The following PTPRD variants were observed in gnomAD, a reference collection of about 807,000 sequenced individuals.
PTPRD encodes protein tyrosine phosphatase receptor type D, also known as receptor-type tyrosine-protein phosphatase delta.
PTPRD carries 34 observed loss-of-function variants against 214.5 expected under a neutral mutation model. The observed-to-expected ratio is 0.16, with a 90% CI of 0.12 to 0.21. The LOEUF (loss-of-function observed/expected upper bound fraction) is 0.21, where lower values mean the gene tolerates loss of function less well. Ranked by LOEUF, PTPRD falls within the 10% of genes least tolerant of loss-of-function variation. The pLI is 1.00. For missense variants in PTPRD, 2,545 were observed against 2,398.7 expected, an observed-to-expected ratio of 1.06 and a Z score of -1.27; for synonymous variants, 1,128 against 845.7, an observed-to-expected ratio of 1.33 and a Z score of -5.79.
At chr9:9,628,005 T>A (rs1315019591) in intron 7 of PTPRD, among the ~76,000 whole-genome samples, 1 of 152,208 alleles carries the variant, frequency 6.6e-6, no homozygotes, top group Non-Finnish European at 1.5e-5. Context: ...CTTCAACAAC[T>A]GCTTCAAAAA....
rs141150711 is a variant in PTPRD, at chr9:8,457,359, T to C, written c.3875+3052A>G. ...ATATAATATTTTTTCAAAATTATAG[T>C]ACAAGAAAATTTATAACATTAAAGA... On this transcript the variant is annotated intron_variant, in intron 33 of 45. Coordinates refer to ENST00000381196, the MANE Select transcript of PTPRD (RefSeq NM_002839.4). Among the ~76,000 whole-genome samples, 524 of 152,264 alleles carry C rather than the reference T, an allele frequency of 3.4e-3. 3 individuals carry two copies. The highest frequency in any genetic ancestry group is 0.012 in the African/African-American group (504 of 41,566).
intron 9 of PTPRD, among the ~76,000 whole-genome samples, chr9:9,350,340 A>G (rs926390282): frequency 6.6e-6 from 1 of 152,092 alleles, no homozygotes; most frequent in Non-Finnish European, 1.5e-5. Context: ...GGATTTCTGC[A>G]TACAAATGTT....
intron 3 of PTPRD, among the ~76,000 whole-genome samples, chr9:10,126,446 C>T (rs889888823): frequency 6.6e-6 from 1 of 151,496 alleles, no homozygotes; most frequent in African/African-American, 2.4e-5. Flanking sequence ...CACACACACA[C>T]ACACACACAC....
intron 11 of PTPRD, among the ~76,000 whole-genome samples, chr9:8,889,277 TAG>T (rs543073320): frequency 1.3e-5 from 2 of 151,336 alleles, no homozygotes; most frequent in African/African-American, 4.9e-5. Context: ...TGAGAGAGAG[TAG>T]AGAGAGAAAG....
At chr9:10,158,948 C>G (rs2099110532) in intron 3 of PTPRD, among the ~76,000 whole-genome samples, 1 of 152,142 alleles carries the variant, frequency 6.6e-6, no homozygotes, top group Non-Finnish European at 1.5e-5. Context: ...CTCTATAACT[C>G]TTTCAAAGGA....
intron 8 of PTPRD, among the ~76,000 whole-genome samples, chr9:9,488,864 C>T (rs909753603): frequency 1.3e-5 from 2 of 152,098 alleles, no homozygotes; most frequent in Non-Finnish European, 2.9e-5. Flanking sequence ...GCAGCTTGCA[C>T]CCAGATTGCA....
chr9:9,426,352 G>C (rs1165490568), intron 8 of PTPRD, among the ~76,000 whole-genome samples: 1 of 152,206 alleles, frequency 6.6e-6, no homozygotes, highest in Non-Finnish European at 1.5e-5. Flanking sequence ...CGGCAGCAAG[G>C]CTTGGGGATG....
intron 27 of PTPRD, among the ~76,000 whole-genome samples, chr9:8,487,115 T>G (rs1180941625): frequency 6.6e-6 from 1 of 152,214 alleles, no homozygotes; most frequent in Non-Finnish European, 1.5e-5. Context: ...GGAATTATAT[T>G]AAGAGCTATT....
chr9:9,679,652 A>T (rs2097022447), intron 7 of PTPRD, among the ~76,000 whole-genome samples: 2 of 151,900 alleles, frequency 1.3e-5, no homozygotes, highest in Non-Finnish European at 2.9e-5. Context: ...AGACCAGGTC[A>T]AAGTAGCTGG....
At chr9:10,503,818 T>C (rs1014860130) in intron 2 of PTPRD, among the ~76,000 whole-genome samples, 2 of 151,740 alleles carry the variant, frequency 1.3e-5, no homozygotes, top group South Asian at 4.2e-4. Context: ...ACTGTAATTT[T>C]AGAAAAGATA....
intron 3 of PTPRD, among the ~76,000 whole-genome samples, chr9:10,314,190 A>G (rs761739331): frequency 6.6e-6 from 1 of 151,956 alleles, no homozygotes; most frequent in Non-Finnish European, 1.5e-5. Flanking sequence ...GATACATACA[A>G]AATGCATTTG....
Position 8,699,445 on chromosome 9 carries a change from C to T in PTPRD, c.64+34335G>A, listed in dbSNP as rs183209342. On this transcript the variant is annotated intron_variant, in intron 12 of 45. Transcript: ENST00000381196. ...ATTTGAGGACATTTTTCCCCCATAT[C>T]CCTTAACAACTAGAATTAAATCCCT... 3.2e-3 allele frequency among the ~76,000 whole-genome samples: 485 copies of T among 152,204 alleles called. 2 individuals are homozygous for T. Among genetic ancestry groups the T allele is most frequent in the Middle Eastern group, 0.017 (5 of 294 alleles).
At chr9:9,215,637 G>T (rs907590595) in intron 9 of PTPRD, among the ~76,000 whole-genome samples, 1 of 152,046 alleles carries the variant, frequency 6.6e-6, no homozygotes, top group African/African-American at 2.4e-5. Context: ...GAGTTGGGAC[G>T]AAGGGAGCAG....
At chr9:8,699,249 G>T (rs1184211788) in intron 12 of PTPRD, among the ~76,000 whole-genome samples, 1 of 152,162 alleles carries the variant, frequency 6.6e-6, no homozygotes, top group African/African-American at 2.4e-5. Flanking sequence ...CTAAACAGTT[G>T]CTCTGGCAAG....
At chr9:10,227,849 A>G (rs1426821307) in intron 3 of PTPRD, among the ~76,000 whole-genome samples, 3 of 151,836 alleles carry the variant, frequency 2.0e-5, no homozygotes, top group Non-Finnish European at 4.4e-5. Context: ...GGCCAGAGTT[A>G]TTATTTGCTT....
intron 5 of PTPRD, among the ~76,000 whole-genome samples, chr9:9,915,896 C>T (rs779848886): frequency 6.6e-6 from 1 of 151,876 alleles, no homozygotes; most frequent in East Asian, 1.9e-4. Flanking sequence ...TCAGCCCAAA[C>T]AGGTCTACTC....
chr9:8,650,652 A>G (rs1251655012), intron 12 of PTPRD, among the ~76,000 whole-genome samples: 1 of 152,188 alleles, frequency 6.6e-6, no homozygotes, highest in Non-Finnish European at 1.5e-5. Context: ...AGTGACTTAA[A>G]AAATATACTG....
chr9:8,520,094 T>C (rs1371974933), intron 20 of PTPRD, among the ~76,000 whole-genome samples: 1 of 152,184 alleles, frequency 6.6e-6, no homozygotes, highest in Non-Finnish European at 1.5e-5. Flanking sequence ...CCCCTACATG[T>C]CTTTCTGAAC....
intron 2 of PTPRD, among the ~76,000 whole-genome samples, chr9:10,408,887 T>C (rs969849343): frequency 2.0e-5 from 3 of 151,728 alleles, no homozygotes; most frequent in African/African-American, 7.2e-5. Flanking sequence ...TGTTAGATAT[T>C]GTTATTTTCA....
Sources: allele counts gnomAD v4.1 joint callset (sites outside exome capture counted in the v4.1 genomes callset), GRCh38; gene constraint gnomAD v4.1.1; transcripts MANE v1.5; gene names NCBI Gene and HGNC (gene_info 2026-07-23, HGNC 2026-07-21).